BBS9: variants seen among roughly 807,000 people sequenced by gnomAD.
The protein encoded by BBS9 is Bardet-Biedl syndrome 9.
A neutral mutation model predicts 117.7 loss-of-function variants in BBS9; 89 were observed. That is an observed-to-expected ratio of 0.76 (90% confidence interval 0.64 to 0.90). The LOEUF is 0.90. Ranked by LOEUF, BBS9 falls within the 40% of genes least tolerant of loss-of-function variation. The probability of loss-of-function intolerance (pLI) is 0.00; values close to 1 mark genes in which losing one functional copy is unlikely to be tolerated. For synonymous variants in BBS9, 379 were observed against 370.9 expected, an observed-to-expected ratio of 1.02 and a Z score of -0.25; for missense variants, 982 against 1,042.2, an observed-to-expected ratio of 0.94 and a Z score of 0.80.
At chr7:33,499,355 A>G (rs1845146549) in intron 19 of BBS9, among the ~76,000 whole-genome samples, 1 of 152,218 alleles carries the variant, frequency 6.6e-6, no homozygotes. Flanking sequence ...CAAAGTCAGG[A>G]CTAGAAGCTC....
In BBS9 at chr7:33,274,471, A is replaced by G. The variant is rs539827269; in HGVS notation, c.1016+515A>G. On this transcript the variant is annotated intron_variant, in intron 9 of 22. Transcript: ENST00000242067. ...TGAAAAACAGAATTCATACTTTAACATTAAGTTTACAAAATTTATCAAAAA... is the reference window on the plus strand; with the variant it reads ...TGAAAAACAGAATTCATACTTTAACGTTAAGTTTACAAAATTTATCAAAAA... Among the ~76,000 whole-genome samples the G allele has an allele frequency of 1.6e-4, 24 of 152,350 alleles. No homozygotes were observed. The South Asian group carries it at 4.6e-3, about 29-fold the overall frequency.
rs1270373846 is a variant in BBS9 at position 33,604,915 on chromosome 7, C to G, written c.2572C>G (p.Gln858Glu). 6.2e-7 allele frequency: 1 copy of G among 1,613,766 alleles called. No homozygotes were observed. The highest frequency in any genetic ancestry group is 8.5e-7 in the Non-Finnish European group (1 of 1,179,758). The change falls in exon 22 of 23, where the codon CAA becomes GAA. Residue 858 changes from glutamine (Q) to glutamate (E), a missense_variant. Transcript: ENST00000242067. Reference protein sequence around the residue: ...ESDLEERSVEQDSTELFTNHR... With the variant: ...ESDLEERSVEEDSTELFTNHR... ...AGACCTAGAAGAAAGATCAGTAGAACAAGACTCTACAGAACTGTTTACCAA... is the reference window on the plus strand; with the variant it reads ...AGACCTAGAAGAAAGATCAGTAGAAGAAGACTCTACAGAACTGTTTACCAA...
At chr7:33,621,691 TAAA>T (rs1865414172) in intron 21 of BBS9, among the ~76,000 whole-genome samples, 1 of 152,086 alleles carries the variant, frequency 6.6e-6, no homozygotes, top group Admixed American at 6.5e-5. Flanking sequence ...CCAAAGGAAA[TAAA>T]ATAAGTATGT....
In BBS9 at chr7:33,331,846, A is replaced by G. The variant is rs1056305688; in HGVS notation, c.1017-4595A>G. On this transcript the variant is annotated intron_variant, in intron 9 of 22. Transcript: ENST00000242067. Reference sequence around the variant, plus strand: ...ACAAATCCCAAGCTCAAGGATGGGAAGAATCAATATTGTGAAAATGACCAT... The same window carrying G: ...ACAAATCCCAAGCTCAAGGATGGGAGGAATCAATATTGTGAAAATGACCAT... Among the ~76,000 whole-genome samples, 3 of 152,226 alleles carry G rather than the reference A, an allele frequency of 2.0e-5. No homozygotes were observed. In the South Asian group the frequency reaches 6.2e-4, roughly 32 times the overall value.
chr7:33,611,763 A>G (rs1403369953), intron 21 of BBS9, among the ~76,000 whole-genome samples: 1 of 137,654 alleles, frequency 7.3e-6, no homozygotes, highest in African/African-American at 2.7e-5. Context: ...ATAATATTAT[A>G]TAATATTATT....
intron 19 of BBS9, among the ~76,000 whole-genome samples, chr7:33,461,008 T>G (rs1839389888): frequency 6.6e-6 from 1 of 152,066 alleles, no homozygotes; most frequent in Admixed American, 6.6e-5. Flanking sequence ...GCATCTGACT[T>G]CTTTTACTTA....
chr7:33,518,737 T>C (rs1423679161), intron 20 of BBS9, among the ~76,000 whole-genome samples: 2 of 152,188 alleles, frequency 1.3e-5, no homozygotes, highest in East Asian at 3.9e-4. Context: ...GACAATGATA[T>C]TTAAAATTAG....
intron 19 of BBS9, among the ~76,000 whole-genome samples, chr7:33,475,379 A>G (rs1303192960): frequency 6.6e-6 from 1 of 152,238 alleles, no homozygotes; most frequent in Non-Finnish European, 1.5e-5. Flanking sequence ...TTGTTAAAAT[A>G]CAAGATCCCA....
At position 33,526,369 on chromosome 7, in the gene BBS9, A is replaced by G. The variant is rs1200178785; in HGVS notation, c.2299-7585A>G. 5.3e-5 allele frequency among the ~76,000 whole-genome samples: 8 copies of G among 152,284 alleles called. No individual in the cohort carries two copies. The South Asian group carries it at 1.0e-3, about 20-fold the overall frequency. On this transcript the variant is annotated intron_variant, in intron 20 of 22. Transcript: ENST00000242067. The stretch of plus-strand genomic sequence containing the variant: ...TTTCCAACTCGGTTCCATTCTCCCC[A>G]TCACTTTCAGATACACCAATCAGAC...
intron 21 of BBS9, among the ~76,000 whole-genome samples, chr7:33,578,046 T>G (rs1035997379): frequency 1.3e-5 from 2 of 152,186 alleles, no homozygotes; most frequent in African/African-American, 4.8e-5. Context: ...GAACTTAAAG[T>G]ATAATTTTAA....
At position 33,484,985 on chromosome 7, in the gene BBS9, C is replaced by T. The variant is rs1428063277; in HGVS notation, c.2116-20478C>T. ...GCCATAAAAAGGAATGAGATCATTTCCTTTGCAGGGACATGGATGGGGCTA... is the reference window on the plus strand; with the variant it reads ...GCCATAAAAAGGAATGAGATCATTTTCTTTGCAGGGACATGGATGGGGCTA... On this transcript the variant is annotated intron_variant, in intron 19 of 22. Transcript: ENST00000242067. Among the ~76,000 whole-genome samples the T allele has an allele frequency of 2.7e-4, 41 of 152,170 alleles. 1 individual carries two copies. Among genetic ancestry groups the T allele is most frequent in the Admixed American group, 2.6e-3 (40 of 15,274 alleles).
At chr7:33,155,906 T>A (rs1282153346) in intron 4 of BBS9, among the ~76,000 whole-genome samples, 1 of 152,142 alleles carries the variant, frequency 6.6e-6, no homozygotes, top group African/African-American at 2.4e-5. Context: ...ACTATTTCTG[T>A]GTATATGTAT....
intron 12 of BBS9, among the ~76,000 whole-genome samples, chr7:33,345,660 A>G (rs1817458495): frequency 6.6e-6 from 1 of 152,200 alleles, no homozygotes; most frequent in African/African-American, 2.4e-5. Flanking sequence ...GCTCTATCTC[A>G]TTAATACTTC....
intron 15 of BBS9, among the ~76,000 whole-genome samples, chr7:33,354,302 T>C (rs1819237307): frequency 6.6e-6 from 1 of 152,204 alleles, no homozygotes; most frequent in Admixed American, 6.5e-5. Flanking sequence ...TGATCCATTT[T>C]ATTGTCTTGA....
intron 7 of BBS9, among the ~76,000 whole-genome samples, chr7:33,265,327 TA>T (rs1356034281): frequency 2.6e-5 from 4 of 152,160 alleles, no homozygotes; most frequent in African/African-American, 9.7e-5. Context: ...GATGAAGATA[TA>T]TTTTTTTTCA....
intron 9 of BBS9, among the ~76,000 whole-genome samples, chr7:33,296,385 C>T (rs1805282353): frequency 6.6e-6 from 1 of 152,092 alleles, no homozygotes; most frequent in South Asian, 2.1e-4. Flanking sequence ...TGTAAACAAT[C>T]TTGATACCCA....
chr7:33,465,584 C>T (rs1033447754), intron 19 of BBS9, among the ~76,000 whole-genome samples: 1 of 152,132 alleles, frequency 6.6e-6, no homozygotes, highest in African/African-American at 2.4e-5. Flanking sequence ...TTATAAATCC[C>T]TTTCTGTGAC....
intron 19 of BBS9, among the ~76,000 whole-genome samples, chr7:33,437,213 T>C (rs527293035): frequency 6.6e-6 from 1 of 152,330 alleles, no homozygotes; most frequent in Admixed American, 6.5e-5. Flanking sequence ...TGAGGTAAAT[T>C]GAGTTAAGAT....
intron 9 of BBS9, among the ~76,000 whole-genome samples, chr7:33,329,106 C>T (rs1000151835): frequency 3.9e-5 from 6 of 151,970 alleles, no homozygotes; most frequent in South Asian, 4.1e-4. Flanking sequence ...CTGCAACCTC[C>T]GCCTCCCGGA....
Sources: gnomAD v4.1 joint callset for allele counts (sites outside exome capture counted in the v4.1 genomes callset) on GRCh38, gnomAD v4.1.1 for gene constraint, MANE v1.5 for transcripts, NCBI Gene and HGNC (gene_info 2026-07-23, HGNC 2026-07-21) for gene names.